Variants in ZC3H12B observed in about 807,000 individuals in gnomAD.
The protein encoded by ZC3H12B is zinc finger CCCH-type containing 12B.
Under a neutral mutation model 43.9 loss-of-function variants are expected in ZC3H12B, and 7 were observed. The ratio of observed to expected loss-of-function variants is 0.16; its 90% CI spans 0.09 to 0.30. The LOEUF is 0.30. Among genes scored for constraint, ZC3H12B ranks in the 10% least tolerant of loss-of-function variants. The pLI is 1.00. For synonymous variants in ZC3H12B, 222 were observed against 241.7 expected, an observed-to-expected ratio of 0.92 and a Z score of 0.76; for missense variants, 475 against 670.2, an observed-to-expected ratio of 0.71 and a Z score of 3.22.
At chrX:65,234,707 G>T in the ZC3H12B span, among the ~76,000 whole-genome samples, 1 of 112,483 alleles carries the variant, frequency 8.9e-6, no homozygotes, top group Non-Finnish European at 1.9e-5. Context: ...CATTTATTAA[G>T]TTCCAGGATA....
the ZC3H12B span, among the ~76,000 whole-genome samples, chrX:65,332,730 C>A: frequency 1.3e-4 from 14 of 111,705 alleles, no homozygotes; most frequent in Non-Finnish European, 2.5e-4. Context: ...AGATTAGAAT[C>A]TAATAACAGG....
chrX:65,441,920 C>T lies in ZC3H12B; in HGVS notation n.407+43216C>T, dbSNP rs142540313. Reference sequence around the variant, plus strand: ...GGCCCCTCATGGCGTTTCCCGAAATCGGATCCCCTTCTTTATCAAATTTAG... The same window carrying T: ...GGCCCCTCATGGCGTTTCCCGAAATTGGATCCCCTTCTTTATCAAATTTAG... On this transcript the variant is annotated intron_variant and non_coding_transcript_variant, in intron 3 of 5. Coordinates refer to the ZC3H12B transcript ENST00000617377. 2.3e-3 allele frequency among the ~76,000 whole-genome samples: 251 copies of T among 109,866 alleles called. 2 individuals carry two copies. The highest frequency in any genetic ancestry group is 7.8e-3 in the African/African-American group (236 of 30,253).
chrX:65,132,644 G>A, the ZC3H12B span, among the ~76,000 whole-genome samples: 2 of 111,144 alleles, frequency 1.8e-5, no homozygotes, highest in Non-Finnish European at 3.8e-5. Flanking sequence ...CTGGACAGGT[G>A]GGGATAACTA....
the ZC3H12B span, chrX:65,328,126 C>T: frequency 2.5e-5 from 6 of 237,882 alleles, no homozygotes; most frequent in South Asian, 1.3e-4. Flanking sequence ...TCTCATCCAG[C>T]GGTGTCTAGG....
the ZC3H12B span, among the ~76,000 whole-genome samples, chrX:65,173,806 C>T: frequency 9.0e-6 from 1 of 111,531 alleles, no homozygotes; most frequent in Non-Finnish European, 1.9e-5. Context: ...TTTTGATGTG[C>T]TGCTGGTGTT....
At chrX:65,483,258 A>G (rs2068084774) in intron 3 of ZC3H12B, among the ~76,000 whole-genome samples, 1 of 112,006 alleles carries the variant, frequency 8.9e-6, no homozygotes, top group Non-Finnish European at 1.9e-5. Flanking sequence ...TTCTTTGCTA[A>G]GTGTTACTAC....
the ZC3H12B span, among the ~76,000 whole-genome samples, chrX:65,050,460 G>C: frequency 9.0e-6 from 1 of 110,972 alleles, no homozygotes; most frequent in Non-Finnish European, 1.9e-5. Flanking sequence ...GTGACAACAG[G>C]CATCCTTGCC....
the ZC3H12B span, among the ~76,000 whole-genome samples, chrX:65,224,427 C>T: frequency 3.7e-4 from 42 of 112,443 alleles, no homozygotes; most frequent in Non-Finnish European, 7.1e-4. Flanking sequence ...GTCTGGTCTA[C>T]AGCTCCCAGC....
chrX:65,192,773 T>A, the ZC3H12B span, among the ~76,000 whole-genome samples: 1 of 107,328 alleles, frequency 9.3e-6, no homozygotes, highest in Non-Finnish European at 1.9e-5. Context: ...TTTTCCCAGA[T>A]AGATAGATAG....
chrX:65,117,269 G>A, the ZC3H12B span, among the ~76,000 whole-genome samples: 4 of 111,830 alleles, frequency 3.6e-5, no homozygotes, highest in African/African-American at 9.7e-5. Context: ...GTGTGAGATG[G>A]TATCTCATTG....
chrX:65,158,042 G>T, the ZC3H12B span, among the ~76,000 whole-genome samples: 2 of 105,010 alleles, frequency 1.9e-5, no homozygotes, highest in South Asian at 4.6e-4. Context: ...TTGCCCTTGC[G>T]AAAGTTTACT....
At position 65,491,966 on chromosome X, in the gene ZC3H12B, T is replaced by A. The variant is rs544062121; in HGVS notation, c.608+2557T>A. ...TGAAAAGCAGAGGATAATGTCTGTG[T>A]TCAAAAGGCCAAAGGTGTCTCTGCT... On this transcript the variant is annotated intron_variant, in intron 1 of 4. Transcript: ENST00000338957. Among the ~76,000 whole-genome samples the A allele has an allele frequency of 5.5e-5, 6 of 110,068 alleles. No homozygotes were observed. In the South Asian group the frequency reaches 1.2e-3, roughly 22 times the overall value.
chrX:65,351,697 C>A, the ZC3H12B span, among the ~76,000 whole-genome samples: 2 of 112,534 alleles, frequency 1.8e-5, no homozygotes, highest in African/African-American at 3.2e-5. Flanking sequence ...ATTTATGCAG[C>A]TAACAGACGT....
chrX:65,052,577 C>T, the ZC3H12B span, among the ~76,000 whole-genome samples: 2 of 111,258 alleles, frequency 1.8e-5, no homozygotes, highest in Non-Finnish European at 3.8e-5. Flanking sequence ...TAATGATCTC[C>T]AGTTCCATCT....
chrX:65,369,611 G>T (rs1345745359), intron 2 of ZC3H12B, among the ~76,000 whole-genome samples: 1 of 111,220 alleles, frequency 9.0e-6, no homozygotes, highest in Non-Finnish European at 1.9e-5. Context: ...GGTATATTCA[G>T]AAAATACTTT....
chrX:65,184,789 A>T, the ZC3H12B span, among the ~76,000 whole-genome samples: 5 of 111,554 alleles, frequency 4.5e-5, no homozygotes, highest in Non-Finnish European at 7.5e-5. Flanking sequence ...TAAAACTGAA[A>T]GTCTAAGGAG....
chrX:65,456,711 C>T (rs1410231382), intron 3 of ZC3H12B, among the ~76,000 whole-genome samples: 2 of 109,133 alleles, frequency 1.8e-5, no homozygotes, highest in African/African-American at 3.3e-5. Context: ...CCCGAGGCAC[C>T]GGGATTGCAG....
the ZC3H12B span, among the ~76,000 whole-genome samples, chrX:65,348,287 A>G: frequency 1.8e-5 from 2 of 111,980 alleles, no homozygotes; most frequent in Non-Finnish European, 3.8e-5. Context: ...AAGGAGAAAT[A>G]AAATCTTTTA....
At chrX:65,482,986 C>T (rs1304258499) in intron 3 of ZC3H12B, among the ~76,000 whole-genome samples, 3 of 111,879 alleles carry the variant, frequency 2.7e-5, no homozygotes, top group Non-Finnish European at 5.6e-5. Context: ...CAAGAATTGA[C>T]GTAGTTTAAT....
Sources: gnomAD v4.1 joint callset for allele counts (sites outside exome capture counted in the v4.1 genomes callset) on GRCh38, gnomAD v4.1.1 for gene constraint, MANE v1.5 for transcripts, NCBI Gene and HGNC (gene_info 2026-07-23, HGNC 2026-07-21) for gene names.